The following BAZ2B variants were observed in gnomAD, a reference collection of about 807,000 sequenced individuals.
BAZ2B encodes bromodomain adjacent to zinc finger domain 2B.
In BAZ2B, 91 loss-of-function variants were observed where a neutral mutation model predicts 246.0. The observed-to-expected ratio is 0.37, with a 90% CI of 0.31 to 0.44. BAZ2B has a LOEUF of 0.44. BAZ2B is among the 20% of genes least tolerant of loss of function. BAZ2B has a pLI of 1.00. For missense variants in BAZ2B, 2,332 were observed against 2,533.7 expected (o/e 0.92, Z 1.71); for synonymous variants, 855 against 860.0 (o/e 0.99, Z 0.10).
intron 2 of BAZ2B, among the ~76,000 whole-genome samples, chr2:159,483,602 C>T (rs139071249): frequency 8.7e-4 from 133 of 152,128 alleles, no homozygotes; most frequent in African/African-American, 3.1e-3. Context: ...CATGGTGAAA[C>T]CCTGTCTCTA....
chr2:159,390,429 C>T (rs1253974913), intron 20 of BAZ2B, among the ~76,000 whole-genome samples: 1 of 152,068 alleles, frequency 6.6e-6, no homozygotes, highest in African/African-American at 2.4e-5. Flanking sequence ...TCATTTTTCC[C>T]ATCTTGCATA....
At chr2:159,387,113 G>C (rs535587789) in intron 21 of BAZ2B, among the ~76,000 whole-genome samples, 3 of 152,196 alleles carry the variant, frequency 2.0e-5, no homozygotes, top group Non-Finnish European at 2.9e-5. Context: ...TCTATGGTTG[G>C]AGAAAGTGGT....
chr2:159,444,664 T>A (rs1407401166), intron 6 of BAZ2B: 2 of 152,184 alleles, frequency 1.3e-5, no homozygotes, highest in Admixed American at 6.6e-5. Flanking sequence ...TAGTTCAGAT[T>A]TAAAGTTTGG....
intron 16 of BAZ2B, among the ~76,000 whole-genome samples, chr2:159,402,674 CTTG>C (rs1218934130): frequency 3.3e-5 from 5 of 152,264 alleles, no homozygotes; most frequent in African/African-American, 7.2e-5. Flanking sequence ...GCAAAAGTCA[CTTG>C]TTGTTCTCTT....
At chr2:159,377,590 G>A (rs1005127738) in intron 25 of BAZ2B, among the ~76,000 whole-genome samples, 1 of 152,002 alleles carries the variant, frequency 6.6e-6, no homozygotes, top group African/African-American at 2.4e-5. Context: ...CGAGGCGGGT[G>A]GATCACGAGG....
intron 2 of BAZ2B, among the ~76,000 whole-genome samples, chr2:159,485,949 A>T (rs1378618919): frequency 6.6e-6 from 1 of 152,106 alleles, no homozygotes; most frequent in Non-Finnish European, 1.5e-5. Context: ...CATATTGCTC[A>T]GCGAATAATC....
the BAZ2B span, among the ~76,000 whole-genome samples, chr2:159,671,900 T>G: frequency 5.0e-4 from 76 of 152,280 alleles, 2 homozygotes; most frequent in South Asian, 0.015. Flanking sequence ...TTAGAATAGT[T>G]CTCTTGGGAG....
intron 1 of BAZ2B, among the ~76,000 whole-genome samples, chr2:159,563,374 C>T (rs1452605270): frequency 1.3e-5 from 2 of 152,238 alleles, no homozygotes; most frequent in Non-Finnish European, 2.9e-5. Flanking sequence ...TAATTATCGA[C>T]TTCACAAGGG....
chr2:159,344,943 C>T (rs557867346), intron 31 of BAZ2B, among the ~76,000 whole-genome samples: 2 of 152,256 alleles, frequency 1.3e-5, no homozygotes, highest in African/African-American at 4.8e-5. Context: ...GGCGCAGTGG[C>T]TCACACCTGT....
At chr2:159,692,706 T>TA in the BAZ2B span, among the ~76,000 whole-genome samples, 22 of 152,034 alleles carry the variant, frequency 1.4e-4, no homozygotes, top group Middle Eastern at 3.4e-3. Context: ...AATTAAAAAA[T>TA]AAAAAAAATC....
Position 159,453,810 on chromosome 2 carries a change from GA to G in BAZ2B, c.146-10del, listed in dbSNP as rs747979087. 3.2e-6 allele frequency: 5 copies of G among 1,560,832 alleles called. No homozygotes were observed. The highest frequency in any genetic ancestry group is 2.3e-5 in the East Asian group (1 of 43,100). ...TGTTCTGAATAAATGTCCTGGGAGG[GA>G]AAAAAACACACTTAAAGTTGTACTA... is the stretch of plus-strand genomic sequence containing the variant. On this transcript the variant is annotated splice_polypyrimidine_tract_variant and intron_variant, in intron 3 of 36. Transcript: ENST00000392783.
chr2:159,401,809 A>C (rs1005632909), intron 16 of BAZ2B, among the ~76,000 whole-genome samples: 1 of 152,162 alleles, frequency 6.6e-6, no homozygotes, highest in African/African-American at 2.4e-5. Flanking sequence ...AATCCGTTCA[A>C]AAGTCCCAAA....
At chr2:159,542,502 C>T (rs1024789520) in intron 2 of BAZ2B, among the ~76,000 whole-genome samples, 4 of 151,938 alleles carry the variant, frequency 2.6e-5, no homozygotes, top group South Asian at 2.1e-4. Flanking sequence ...CCAGGTGTGC[C>T]GGTACATGCC....
At chr2:159,390,312 T>C (rs2063176137) in intron 20 of BAZ2B, among the ~76,000 whole-genome samples, 1 of 152,118 alleles carries the variant, frequency 6.6e-6, no homozygotes, top group Non-Finnish European at 1.5e-5. Flanking sequence ...ACTCTTCTTT[T>C]CTAATCTTAC....
chr2:159,696,139 T>A, the BAZ2B span, among the ~76,000 whole-genome samples: 1 of 152,212 alleles, frequency 6.6e-6, no homozygotes, highest in Non-Finnish European at 1.5e-5. Context: ...GCCTATTTTT[T>A]ATTTTACCTT....
chr2:159,343,750 G>A (rs906687692), intron 31 of BAZ2B, among the ~76,000 whole-genome samples: 1 of 152,020 alleles, frequency 6.6e-6, no homozygotes, highest in African/African-American at 2.4e-5. Flanking sequence ...AAAACGGCCG[G>A]GCGCCGTGGC....
At chr2:159,399,022 T>A (rs2149714927) in intron 17 of BAZ2B, 128 bp from the exon 18 acceptor site, 1 of 683,494 alleles carries the variant, frequency 1.5e-6, no homozygotes, top group Admixed American at 3.4e-5. Context: ...ATGTAGACAA[T>A]TACAGATTTC....
chr2:159,663,855 C>CTTTT, the BAZ2B span, among the ~76,000 whole-genome samples: 35 of 92,478 alleles, frequency 3.8e-4, no homozygotes, highest in African/African-American at 9.0e-4. Flanking sequence ...AAACCATTTT[C>CTTTT]TTTTTTTTTT....
At chr2:159,645,792 C>A in the BAZ2B span, among the ~76,000 whole-genome samples, 1 of 152,112 alleles carries the variant, frequency 6.6e-6, no homozygotes, top group East Asian at 1.9e-4. Flanking sequence ...CATGATGCCC[C>A]CTGAGCTGTA....
Sources: allele counts gnomAD v4.1 joint callset (sites outside exome capture counted in the v4.1 genomes callset), GRCh38; gene constraint gnomAD v4.1.1; transcripts MANE v1.5; gene names NCBI Gene and HGNC (gene_info 2026-07-23, HGNC 2026-07-21).